Variants in ADGRB3 observed in about 807,000 individuals in gnomAD.
The protein encoded by ADGRB3 is adhesion G protein-coupled receptor B3, also known as brain-specific angiogenesis inhibitor 3.
A neutral mutation model predicts 193.4 loss-of-function variants in ADGRB3; 37 were observed. The ratio of observed to expected loss-of-function variants is 0.19; its 90% CI spans 0.15 to 0.25. The LOEUF is 0.25. Ranked by LOEUF, ADGRB3 falls within the 10% of genes least tolerant of loss-of-function variation. The probability of loss-of-function intolerance (pLI) is 1.00; values close to 1 mark genes in which losing one functional copy is unlikely to be tolerated. For synonymous variants in ADGRB3, 690 were observed against 644.2 expected (o/e 1.07, Z -1.08); for missense variants, 1,637 against 1,852.9 (o/e 0.88, Z 2.14).
At chr6:68,705,887 A>T (rs1318921627) in intron 3 of ADGRB3, among the ~76,000 whole-genome samples, 2 of 152,286 alleles carry the variant, frequency 1.3e-5, no homozygotes, top group East Asian at 3.9e-4. Context: ...AAGAGGAAAC[A>T]TCAGGGGTGA....
intron 8 of ADGRB3, among the ~76,000 whole-genome samples, chr6:68,970,669 A>G (rs994588779): frequency 2.6e-5 from 4 of 152,168 alleles, no homozygotes; most frequent in Admixed American, 1.3e-4. Context: ...TGTTACATTA[A>G]CAGGGCCTAG....
intron 17 of ADGRB3, among the ~76,000 whole-genome samples, chr6:69,154,719 A>G (rs1261980711): frequency 6.6e-6 from 1 of 152,112 alleles, no homozygotes; most frequent in Non-Finnish European, 1.5e-5. Flanking sequence ...TTTCCCCTTC[A>G]ACTTGATTTC....
chr6:68,866,302 G>T (rs1422549301), intron 3 of ADGRB3, among the ~76,000 whole-genome samples: 2 of 152,178 alleles, frequency 1.3e-5, no homozygotes, highest in Non-Finnish European at 2.9e-5. Flanking sequence ...GTTCAAAAGT[G>T]TGTGGCAATT....
chr6:69,369,217 T>G (rs1769654075), intron 29 of ADGRB3, among the ~76,000 whole-genome samples: 1 of 152,166 alleles, frequency 6.6e-6, no homozygotes, highest in Non-Finnish European at 1.5e-5. Context: ...ATTAATATTT[T>G]AGAGAGCTCA....
At chr6:68,887,736 T>C (rs908373855) in intron 3 of ADGRB3, among the ~76,000 whole-genome samples, 6 of 152,190 alleles carry the variant, frequency 3.9e-5, no homozygotes, top group Admixed American at 2.6e-4. Context: ...ATGAGGATTA[T>C]ATTTTTAAAA....
At chr6:69,079,684 G>T (rs1194792112) in intron 17 of ADGRB3, among the ~76,000 whole-genome samples, 1 of 151,982 alleles carries the variant, frequency 6.6e-6, no homozygotes, top group African/African-American at 2.4e-5. Flanking sequence ...TTGGTAATTT[G>T]CACATTCTTT....
chr6:69,122,978 A>C (rs1773756026), intron 17 of ADGRB3, among the ~76,000 whole-genome samples: 1 of 143,502 alleles, frequency 7.0e-6, no homozygotes, highest in African/African-American at 2.5e-5. Flanking sequence ...ATGTGTGTAT[A>C]TATATATACA....
chr6:69,257,313 G>A (rs1766800828), intron 20 of ADGRB3, among the ~76,000 whole-genome samples: 2 of 152,138 alleles, frequency 1.3e-5, no homozygotes, highest in African/African-American at 4.8e-5. Context: ...ATAGAATTCG[G>A]CTGTGAATCC....
intron 17 of ADGRB3, among the ~76,000 whole-genome samples, chr6:69,196,268 T>C (rs998660419): frequency 9.9e-5 from 15 of 152,026 alleles, no homozygotes; most frequent in African/African-American, 3.6e-4. Flanking sequence ...CTAATGAGAG[T>C]TTTCCATGTA....
At chr6:68,836,329 C>T (rs580073) in intron 3 of ADGRB3, among the ~76,000 whole-genome samples, 32,573 of 151,870 alleles carry the variant, frequency 0.21, 4,043 homozygotes, top group East Asian at 0.58. Flanking sequence ...AATGGGTTCA[C>T]TCTTTACTTC....
Position 68,674,834 on chromosome 6 carries a change from T to G in ADGRB3, c.757+35402T>G, listed in dbSNP as rs568603135. Among the ~76,000 whole-genome samples the G allele has an allele frequency of 4.9e-4, 75 of 152,308 alleles. 1 individual carries two copies. Among genetic ancestry groups the G allele is most frequent in the Non-Finnish European group, 9.4e-4 (64 of 68,020 alleles). ...GCAGTTAAGTAAAAGAGGCAAAATT[T>G]AATTCAAAATGTTTCTAGTTCCAAA... On this transcript the variant is annotated intron_variant, in intron 3 of 31. Coordinates refer to ENST00000370598, the MANE Select transcript of ADGRB3 (RefSeq NM_001704.3).
intron 3 of ADGRB3, among the ~76,000 whole-genome samples, chr6:68,650,501 C>T (rs1768337683): frequency 6.6e-6 from 1 of 151,916 alleles, no homozygotes; most frequent in Admixed American, 6.6e-5. Context: ...CAAATTACTT[C>T]AAGGCTCCCA....
intron 20 of ADGRB3, among the ~76,000 whole-genome samples, chr6:69,267,151 A>G (rs1767064518): frequency 6.6e-6 from 1 of 151,852 alleles, no homozygotes; most frequent in South Asian, 2.1e-4. Flanking sequence ...AACATTTGCA[A>G]CTCTACATTG....
At chr6:68,712,299 A>G (rs1292481210) in intron 3 of ADGRB3, among the ~76,000 whole-genome samples, 1 of 152,018 alleles carries the variant, frequency 6.6e-6, no homozygotes, top group East Asian at 1.9e-4. Context: ...GGGCACAGCT[A>G]TATTAGCAAT....
At chr6:69,044,922 C>A (rs138960630) in intron 13 of ADGRB3, among the ~76,000 whole-genome samples, 1 of 152,044 alleles carries the variant, frequency 6.6e-6, no homozygotes, top group Non-Finnish European at 1.5e-5. Context: ...CTTCTAAACA[C>A]CCACAATGAC....
intron 31 of ADGRB3, 131 bp from the exon 32 acceptor site, chr6:69,388,572 C>A: frequency 1.2e-6 from 1 of 800,524 alleles, no homozygotes; most frequent in South Asian, 2.2e-5. Flanking sequence ...CACAGTTGGC[C>A]GTATTTTCAA....
At chr6:69,258,804 C>T (rs1582585284) in intron 20 of ADGRB3, among the ~76,000 whole-genome samples, 1 of 152,174 alleles carries the variant, frequency 6.6e-6, no homozygotes, top group African/African-American at 2.4e-5. Context: ...TCACCTTCCC[C>T]ACACCCTCTC....
At chr6:69,032,014 G>C (rs1314136587) in intron 13 of ADGRB3, among the ~76,000 whole-genome samples, 1 of 152,166 alleles carries the variant, frequency 6.6e-6, no homozygotes, top group African/African-American at 2.4e-5. Flanking sequence ...GGTATAAAGA[G>C]AAGTGTTGCG....
chr6:68,798,304 A>G (rs1767249008), intron 3 of ADGRB3, among the ~76,000 whole-genome samples: 1 of 152,220 alleles, frequency 6.6e-6, no homozygotes, highest in African/African-American at 2.4e-5. Context: ...ATCTTCATTT[A>G]AAGTATTAAG....
Sources: allele counts gnomAD v4.1 joint callset (sites outside exome capture counted in the v4.1 genomes callset), GRCh38; gene constraint gnomAD v4.1.1; transcripts MANE v1.5; gene names NCBI Gene and HGNC (gene_info 2026-07-23, HGNC 2026-07-21).